Variants in GMDS observed in about 807,000 individuals in gnomAD.
The protein encoded by GMDS is GDP-mannose 4,6 dehydratase.
Under a neutral mutation model 49.9 loss-of-function variants are expected in GMDS, and 20 were observed. That is an observed-to-expected ratio of 0.40 (90% CI 0.28 to 0.58). GMDS has a LOEUF of 0.58. GMDS is among the 20% of genes least tolerant of loss of function. GMDS has a pLI of 0.42. For synonymous variants in GMDS, 177 were observed against 178.6 expected, an observed-to-expected ratio of 0.99 and a Z score of 0.07; for missense variants, 362 against 481.4, an observed-to-expected ratio of 0.75 and a Z score of 2.32.
intron 9 of GMDS, among the ~76,000 whole-genome samples, chr6:1,672,462 C>T (rs915266807): frequency 1.3e-5 from 2 of 152,204 alleles, no homozygotes; most frequent in African/African-American, 4.8e-5. Context: ...CAACAAAAGT[C>T]TCTGAAATTT....
At position 1,624,417 on chromosome 6, in the gene GMDS, C is replaced by T. The variant is rs547069841; in HGVS notation, c.1056+55G>A. The T allele has an allele frequency of 1.4e-4, 204 of 1,502,700 alleles. 2 individuals carry two copies. In the South Asian group the frequency reaches 2.2e-3, roughly 16 times the overall value. 93.1% of individuals were successfully genotyped at this position (1,502,700 alleles called of 1,614,324 possible). On this transcript the variant is annotated intron_variant, in intron 10 of 10. Transcript: ENST00000380815. ...TCAGGCGCCCGACCCTGAGAGCTGCCGCCCTGCAGCCCGGGGCCCCGCAGC... is the reference window on the plus strand; with the variant it reads ...TCAGGCGCCCGACCCTGAGAGCTGCTGCCCTGCAGCCCGGGGCCCCGCAGC...
intron 6 of GMDS, among the ~76,000 whole-genome samples, chr6:1,956,152 C>A (rs77776960): frequency 0.014 from 2,167 of 152,292 alleles, 47 homozygotes; most frequent in African/African-American, 0.047. Context: ...CCACAATCAA[C>A]CCAAGTGAAA....
chr6:1,798,252 C>T (rs1361096515), intron 7 of GMDS, among the ~76,000 whole-genome samples: 2 of 141,950 alleles, frequency 1.4e-5, no homozygotes, highest in Admixed American at 1.4e-4. Context: ...CACACACACA[C>T]ACACACACAC....
At chr6:1,659,029 G>C (rs1463352684) in intron 9 of GMDS, among the ~76,000 whole-genome samples, 2 of 152,188 alleles carry the variant, frequency 1.3e-5, no homozygotes, top group African/African-American at 4.8e-5. Context: ...TCTGAGAGTG[G>C]AAAAGGCAGC....
chr6:1,998,365 T>C (rs1766427398), intron 4 of GMDS, among the ~76,000 whole-genome samples: 1 of 151,846 alleles, frequency 6.6e-6, no homozygotes, highest in African/African-American at 2.4e-5. Context: ...AAAGTCACTA[T>C]GAGCTCCCTA....
chr6:1,898,489 A>G (rs1457972912), intron 7 of GMDS, among the ~76,000 whole-genome samples: 1 of 152,050 alleles, frequency 6.6e-6, no homozygotes, highest in Non-Finnish European at 1.5e-5. Flanking sequence ...CTCCTTTTCT[A>G]TAATATGGGC....
At chr6:2,173,215 C>T (rs1778106533) in intron 1 of GMDS, among the ~76,000 whole-genome samples, 1 of 152,116 alleles carries the variant, frequency 6.6e-6, no homozygotes, top group African/African-American at 2.4e-5. Flanking sequence ...AGTCTTAAGC[C>T]TTTCATTATT....
intron 6 of GMDS, among the ~76,000 whole-genome samples, chr6:1,953,047 A>C (rs1763434922): frequency 6.6e-6 from 1 of 152,190 alleles, no homozygotes; most frequent in Non-Finnish European, 1.5e-5. Flanking sequence ...GAAAGACTAA[A>C]ATGAGTCAAC....
chr6:1,992,528 C>T (rs976818841), intron 4 of GMDS, among the ~76,000 whole-genome samples: 1 of 152,204 alleles, frequency 6.6e-6, no homozygotes, highest in African/African-American at 2.4e-5. Flanking sequence ...CCTGTTCCTA[C>T]TGCCTAAAAT....
chr6:2,208,845 G>A (rs180813570), intron 1 of GMDS, among the ~76,000 whole-genome samples: 1 of 135,940 alleles, frequency 7.4e-6, no homozygotes, highest in Admixed American at 8.2e-5. Context: ...CCGGTACAGT[G>A]GGCTACATTA....
At chr6:1,956,915 C>T (rs1341414072) in intron 6 of GMDS, among the ~76,000 whole-genome samples, 1 of 151,742 alleles carries the variant, frequency 6.6e-6, no homozygotes, top group East Asian at 1.9e-4. Context: ...CATTCTCCTG[C>T]CTCAGCCTCC....
At chr6:2,115,695 T>C (rs1774805782) in intron 4 of GMDS, 76 bp downstream of exon 4, 1 of 796,384 alleles carries the variant, frequency 1.3e-6, no homozygotes, top group Admixed American at 1.7e-5. Context: ...ATTACTACAC[T>C]GAGAAGCAGC....
chr6:1,986,299 C>A (rs947889621), intron 4 of GMDS, among the ~76,000 whole-genome samples: 1 of 152,110 alleles, frequency 6.6e-6, no homozygotes, highest in Admixed American at 6.5e-5. Context: ...CAGGGAAGTA[C>A]CAGTGCCGTC....
At chr6:2,198,960 T>C (rs1259390590) in intron 1 of GMDS, among the ~76,000 whole-genome samples, 2 of 152,208 alleles carry the variant, frequency 1.3e-5, no homozygotes, top group Non-Finnish European at 2.9e-5. Flanking sequence ...CAGCTTTGCT[T>C]ATGATGTCCT....
intron 7 of GMDS, among the ~76,000 whole-genome samples, chr6:1,815,757 CA>C (rs1476651373): frequency 6.6e-6 from 1 of 152,136 alleles, no homozygotes; most frequent in East Asian, 1.9e-4. Context: ...AAAAGGAACA[CA>C]AGAAGAAGGC....
chr6:1,964,728 G>A lies in GMDS; in HGVS notation c.346-3762C>T, dbSNP rs186973866. Reference sequence around the variant, plus strand: ...TTAAGTTTTGGGGTACATGTGCACAGTGCGCAGGTTACATATGTATACATG... The same window carrying A: ...TTAAGTTTTGGGGTACATGTGCACAATGCGCAGGTTACATATGTATACATG... On this transcript the variant is annotated intron_variant, in intron 4 of 10. Coordinates refer to ENST00000380815, the MANE Select transcript of GMDS (RefSeq NM_001500.4). Among the ~76,000 whole-genome samples the A allele has an allele frequency of 2.2e-3, 339 of 152,200 alleles. 1 individual carries two copies. Among genetic ancestry groups the A allele is most frequent in the Non-Finnish European group, 2.5e-3 (170 of 68,000 alleles).
At chr6:1,751,252 C>G (rs1234535225) in intron 7 of GMDS, among the ~76,000 whole-genome samples, 1 of 152,192 alleles carries the variant, frequency 6.6e-6, no homozygotes, top group African/African-American at 2.4e-5. Flanking sequence ...TCAAGTGGGT[C>G]CCTGACCCCC....
In GMDS at chr6:2,041,413, T is replaced by A. The variant is rs572835114; in HGVS notation, c.345+74358A>T. Among the ~76,000 whole-genome samples the A allele has an allele frequency of 2.0e-5, 3 of 152,306 alleles. No homozygotes were observed. In the South Asian group the frequency reaches 6.2e-4, roughly 32 times the overall value. On this transcript the variant is annotated intron_variant, in intron 4 of 10. Transcript: ENST00000380815. ...CCACAGGTAATGATAGTAACACCCA[T>A]GACATTTATCTCAGACCATTTAATT...
chr6:2,113,530 T>C (rs1162066040), intron 4 of GMDS, among the ~76,000 whole-genome samples: 1 of 151,882 alleles, frequency 6.6e-6, no homozygotes, highest in East Asian at 1.9e-4. Context: ...TACCAAGTTT[T>C]CCCACTTCTC....
Sources: allele counts gnomAD v4.1 joint callset (sites outside exome capture counted in the v4.1 genomes callset), GRCh38; gene constraint gnomAD v4.1.1; transcripts MANE v1.5; gene names NCBI Gene and HGNC (gene_info 2026-07-23, HGNC 2026-07-21).